CMIP: variants seen among roughly 807,000 people sequenced by gnomAD.
CMIP encodes c-Maf inducing protein, also known as C-Maf-inducing protein.
Under a neutral mutation model 97.3 loss-of-function variants are expected in CMIP, and 13 were observed. That is an observed-to-expected ratio of 0.13 (90% CI 0.09 to 0.21). CMIP has a LOEUF of 0.21. CMIP is among the 10% of genes least tolerant of loss of function. The probability of loss-of-function intolerance (pLI) is 1.00; values close to 1 mark genes in which losing one functional copy is unlikely to be tolerated. For synonymous variants in CMIP, 538 were observed against 436.3 expected (o/e 1.23, Z -2.91); for missense variants, 847 against 1,024.9 (o/e 0.83, Z 2.37).
Position 81,673,242 on chromosome 16 carries a change from G to A in CMIP, c.1034+1172G>A, listed in dbSNP as rs115625261. On this transcript the variant is annotated intron_variant, in intron 9 of 20. Coordinates refer to ENST00000537098, the MANE Select transcript of CMIP (RefSeq NM_198390.3). ...AATTAATAAGCAGGTGAGGCTGGGC[G>A]CAGTAGCTCACACCTGTAATCCCAG... is the stretch of plus-strand genomic sequence containing the variant. Among the ~76,000 whole-genome samples the A allele has an allele frequency of 1.5e-3, 228 of 152,252 alleles. 2 individuals are homozygous for A. The highest frequency in any genetic ancestry group is 5.4e-3 in the African/African-American group (223 of 41,536).
At chr16:81,483,599 T>TCTCCCTCTCCCTCTC (rs1567538157) in intron 1 of CMIP, among the ~76,000 whole-genome samples, 91 of 145,710 alleles carry the variant, frequency 6.2e-4, no homozygotes, top group African/African-American at 2.2e-3. Context: ...CTCTTCCTCT[T>TCTCCCTCTCCCTCTC]CCTCTCCCTC....
At chr16:81,624,947 G>C (rs17201098) in intron 3 of CMIP, among the ~76,000 whole-genome samples, 1 of 152,174 alleles carries the variant, frequency 6.6e-6, no homozygotes, top group African/African-American at 2.4e-5. Flanking sequence ...TGTTGGAGGA[G>C]TTTGCTCGGC....
chr16:81,636,972 ACC>A (rs2092245257), intron 3 of CMIP, among the ~76,000 whole-genome samples: 2 of 152,036 alleles, frequency 1.3e-5, no homozygotes, highest in Admixed American at 1.3e-4. Context: ...AGATCTTGTA[ACC>A]CTCCTTCCTT....
chr16:81,590,049 A>G (rs2091443692), intron 1 of CMIP, among the ~76,000 whole-genome samples: 1 of 152,110 alleles, frequency 6.6e-6, no homozygotes, highest in African/African-American at 2.4e-5. Context: ...GGCTGCCCTC[A>G]GGGCACAGAG....
intron 13 of CMIP, 93 bp from the exon 14 acceptor site, chr16:81,696,467 C>G: frequency 3.1e-6 from 4 of 1,283,334 alleles, no homozygotes; most frequent in Non-Finnish European, 4.4e-6. Context: ...GCAGGACTTG[C>G]CTGAGCCTTT....
chr16:81,647,672 C>G (rs2092379087), intron 3 of CMIP, among the ~76,000 whole-genome samples: 1 of 152,140 alleles, frequency 6.6e-6, no homozygotes, highest in Non-Finnish European at 1.5e-5. Context: ...TCCAGGGAGC[C>G]TGGAGCAGGG....
At chr16:81,638,422 C>T (rs1442601594) in intron 3 of CMIP, among the ~76,000 whole-genome samples, 1 of 152,180 alleles carries the variant, frequency 6.6e-6, no homozygotes, top group Admixed American at 6.5e-5. Flanking sequence ...GAAAATCCCA[C>T]AGCTCTTGGC....
chr16:81,530,871 C>T (rs2090220668), intron 1 of CMIP, among the ~76,000 whole-genome samples: 2 of 152,200 alleles, frequency 1.3e-5, no homozygotes, highest in South Asian at 4.1e-4. Context: ...AATTTCTCTA[C>T]CGTCCCAGGG....
At chr16:81,702,029 A>C (rs1196990056) in intron 16 of CMIP, among the ~76,000 whole-genome samples, 1 of 152,092 alleles carries the variant, frequency 6.6e-6, no homozygotes, top group African/African-American at 2.4e-5. Context: ...GACATTGCCC[A>C]CCCTCCCTCC....
intron 9 of CMIP, among the ~76,000 whole-genome samples, chr16:81,674,823 T>C (rs1161570094): frequency 2.0e-5 from 3 of 152,076 alleles, no homozygotes; most frequent in Non-Finnish European, 4.4e-5. Flanking sequence ...TGACCTCAGG[T>C]GATCTGCCCG....
chr16:81,664,106 C>G (rs1202584890), intron 6 of CMIP, among the ~76,000 whole-genome samples, 163 bp from the exon 7 acceptor site: 1 of 152,136 alleles, frequency 6.6e-6, no homozygotes, highest in Non-Finnish European at 1.5e-5. Context: ...AGAACTGGCC[C>G]CCCTCCAAAA....
At chr16:81,520,668 A>G (rs979017178) in intron 1 of CMIP, 1 of 152,164 alleles carries the variant, frequency 6.6e-6, no homozygotes, top group Non-Finnish European at 1.5e-5. Context: ...GGGCCTGATT[A>G]TTGGAACTTG....
At chr16:81,584,491 A>G (rs1211838910) in intron 1 of CMIP, among the ~76,000 whole-genome samples, 1 of 152,196 alleles carries the variant, frequency 6.6e-6, no homozygotes, top group African/African-American at 2.4e-5. Flanking sequence ...ATGTAAGTGT[A>G]AAATCATCCT....
intron 1 of CMIP, among the ~76,000 whole-genome samples, chr16:81,579,873 G>A (rs766597592): frequency 6.6e-6 from 1 of 152,178 alleles, no homozygotes; most frequent in Non-Finnish European, 1.5e-5. Context: ...GGAGAATGGC[G>A]TGAACCCGGG....
chr16:81,667,243 C>A (rs1236181646), intron 7 of CMIP: 1 of 152,202 alleles, frequency 6.6e-6, no homozygotes, highest in Non-Finnish European at 1.5e-5. Flanking sequence ...AAAGAATGTT[C>A]TTTACTAGAC....
In CMIP at chr16:81,476,074, A is replaced by G. The variant is rs1185484938; in HGVS notation, c.300+30533A>G. On this transcript the variant is annotated intron_variant, in intron 1 of 20. Transcript: ENST00000537098. ...TAGTGATCTTCTTGCTGGTCTTGCC[A>G]TTCCTGGACCCAAAGTGCTCCATGG... The G allele has an allele frequency of 1.3e-5, 10 of 748,680 alleles. No homozygotes were observed. In the African/African-American group the frequency reaches 1.5e-4, roughly 12 times the overall value. The allele number at this position is 748,680 out of a possible 1,614,324, so 46.4% of individuals were successfully genotyped here.
intron 8 of CMIP, among the ~76,000 whole-genome samples, chr16:81,670,793 C>T (rs1597226817): frequency 6.6e-6 from 1 of 152,064 alleles, no homozygotes; most frequent in African/African-American, 2.4e-5. Context: ...TCGTGTCAGG[C>T]CGAGGTGTCA....
At chr16:81,481,593 G>A (rs779907054) in intron 1 of CMIP, among the ~76,000 whole-genome samples, 12 of 152,204 alleles carry the variant, frequency 7.9e-5, no homozygotes, top group Non-Finnish European at 1.3e-4. Context: ...CTGAGGTCTT[G>A]GGGGGATGGG....
chr16:81,682,630 G>A (rs1597244248), intron 10 of CMIP, among the ~76,000 whole-genome samples: 1 of 152,320 alleles, frequency 6.6e-6, no homozygotes, highest in African/African-American at 2.4e-5. Flanking sequence ...GTTGCCAGGC[G>A]GGGCTCAGGA....
Sources: gnomAD v4.1 joint callset for allele counts (sites outside exome capture counted in the v4.1 genomes callset) on GRCh38, gnomAD v4.1.1 for gene constraint, MANE v1.5 for transcripts, NCBI Gene and HGNC (gene_info 2026-07-23, HGNC 2026-07-21) for gene names.